Variants in MAD1L1 observed in about 807,000 individuals in gnomAD.
MAD1L1 encodes mitotic spindle assembly checkpoint protein MAD1.
Under a neutral mutation model 96.9 loss-of-function variants are expected in MAD1L1, and 95 were observed. The observed-to-expected ratio is 0.98, with a 90% confidence interval of 0.83 to 1.16. The LOEUF is 1.16. Among genes scored for constraint, MAD1L1 ranks in the 50% most tolerant of loss-of-function variants. The pLI, the probability that MAD1L1 is intolerant of heterozygous loss-of-function variation, is 0.00. For synonymous variants in MAD1L1, 473 were observed against 396.6 expected (o/e 1.19, Z -2.29); for missense variants, 1,007 against 954.4 (o/e 1.06, Z -0.73).
chr7:1,896,737 T>C (rs926505574), intron 18 of MAD1L1, among the ~76,000 whole-genome samples: 8 of 152,184 alleles, frequency 5.3e-5, no homozygotes, highest in African/African-American at 1.7e-4. Flanking sequence ...TCCGCTGCAG[T>C]TAGTCTTCCT....
At chr7:2,059,570 C>T (rs1344297239) in intron 12 of MAD1L1, among the ~76,000 whole-genome samples, 6 of 128,424 alleles carry the variant, frequency 4.7e-5, no homozygotes, top group Non-Finnish European at 9.9e-5. Flanking sequence ...GGAAGCATGG[C>T]CAGGGGAGGG....
rs1787835874 is a variant in MAD1L1 at position 1,908,826 on chromosome 7, A to G, written c.1808-10436T>C. Among the ~76,000 whole-genome samples the G allele has an allele frequency of 1.3e-5, 2 of 152,094 alleles. 1 individual carries two copies. Among genetic ancestry groups the G allele is most frequent in the South Asian group, 4.1e-4 (2 of 4,826 alleles). ...CTCAACATTATGAAACTCCCCCAGC[A>G]TGCATTTCTCTCATGACCCCCACCA... is the stretch of plus-strand genomic sequence containing the variant. On this transcript the variant is annotated intron_variant, in intron 17 of 18. Transcript: ENST00000265854.
At chr7:1,831,971 G>T (rs1782724283) in intron 18 of MAD1L1, among the ~76,000 whole-genome samples, 1 of 152,190 alleles carries the variant, frequency 6.6e-6, no homozygotes, top group Non-Finnish European at 1.5e-5. Context: ...TGCTAACACA[G>T]CATCCATCCT....
intron 11 of MAD1L1, among the ~76,000 whole-genome samples, chr7:2,122,846 T>A (rs1338451037): frequency 6.6e-6 from 1 of 152,218 alleles, no homozygotes; most frequent in Non-Finnish European, 1.5e-5. Flanking sequence ...GCTGCACATG[T>A]GCAGGCCATG....
chr7:1,862,256 A>G (rs1266443597), intron 18 of MAD1L1, among the ~76,000 whole-genome samples: 1 of 152,158 alleles, frequency 6.6e-6, no homozygotes, highest in Non-Finnish European at 1.5e-5. Context: ...TGCCCACCAG[A>G]GGCCAACAGC....
chr7:2,068,002 A>G (rs1784957906), intron 12 of MAD1L1, among the ~76,000 whole-genome samples: 1 of 152,254 alleles, frequency 6.6e-6, no homozygotes, highest in Non-Finnish European at 1.5e-5. Flanking sequence ...GGTGTGGAAG[A>G]GAAGGGAACA....
chr7:2,121,502 C>T (rs976330026), intron 11 of MAD1L1, among the ~76,000 whole-genome samples: 2 of 152,250 alleles, frequency 1.3e-5, no homozygotes, highest in African/African-American at 4.8e-5. Context: ...CAGGCAGGTG[C>T]TCACTGACAC....
At chr7:1,870,396 A>G (rs923382405) in intron 18 of MAD1L1, among the ~76,000 whole-genome samples, 1 of 140,490 alleles carries the variant, frequency 7.1e-6, no homozygotes, top group Non-Finnish European at 1.6e-5. Flanking sequence ...AACCCACCAT[A>G]ACACCTGCCA....
intron 10 of MAD1L1, among the ~76,000 whole-genome samples, chr7:2,195,905 G>C (rs895723378): frequency 3.3e-5 from 5 of 152,372 alleles, no homozygotes; most frequent in African/African-American, 1.2e-4. Context: ...TCAGCTGATG[G>C]GCTTCATGCC....
intron 18 of MAD1L1, among the ~76,000 whole-genome samples, chr7:1,876,418 C>A (rs957852761): frequency 6.6e-6 from 1 of 151,968 alleles, no homozygotes; most frequent in Non-Finnish European, 1.5e-5. Context: ...CCTCACCCAC[C>A]GAGACCAGGT....
chr7:2,007,661 G>A (rs966794373), intron 13 of MAD1L1, among the ~76,000 whole-genome samples: 1 of 152,164 alleles, frequency 6.6e-6, no homozygotes, highest in East Asian at 1.9e-4. Context: ...GCGACTGAGC[G>A]AGACTCTGTC....
chr7:2,030,518 C>T lies in MAD1L1; in HGVS notation c.1219-15876G>A, dbSNP rs535587037. On this transcript the variant is annotated intron_variant, in intron 12 of 18. Transcript: ENST00000265854. ...TACGCTAATTAGAGCCTGTTACACG[C>T]GGGCCCCTGAACAGCCTTGATGTGC... is the stretch of plus-strand genomic sequence containing the variant. Among the ~76,000 whole-genome samples, 12 of 152,348 alleles carry T rather than the reference C, an allele frequency of 7.9e-5. No homozygotes were observed. The South Asian group carries it at 1.2e-3, about 16-fold the overall frequency.
At chr7:1,927,214 G>A (rs1294370990) in intron 17 of MAD1L1, among the ~76,000 whole-genome samples, 1 of 152,184 alleles carries the variant, frequency 6.6e-6, no homozygotes, top group Admixed American at 6.5e-5. Flanking sequence ...ACCACAAAAT[G>A]TGGATGAAAG....
chr7:2,125,730 C>T (rs1452455139), intron 11 of MAD1L1, among the ~76,000 whole-genome samples: 1 of 152,250 alleles, frequency 6.6e-6, no homozygotes, highest in Non-Finnish European at 1.5e-5. Flanking sequence ...AACTGCAGCT[C>T]AGACTGAGCT....
At chr7:2,071,375 A>T (rs982832270) in intron 11 of MAD1L1, among the ~76,000 whole-genome samples, 11 of 152,226 alleles carry the variant, frequency 7.2e-5, no homozygotes, top group African/African-American at 2.4e-4. Context: ...AAGCCCACAG[A>T]CTGGGGCCAA....
chr7:1,823,284 C>T (rs1046493941), intron 18 of MAD1L1, among the ~76,000 whole-genome samples: 1 of 152,070 alleles, frequency 6.6e-6, no homozygotes, highest in African/African-American at 2.4e-5. Flanking sequence ...CACGAACTTA[C>T]ATGTAAAACA....
At chr7:1,950,630 A>G (rs541083782) in intron 16 of MAD1L1, among the ~76,000 whole-genome samples, 3 of 152,154 alleles carry the variant, frequency 2.0e-5, no homozygotes, top group South Asian at 2.1e-4. Flanking sequence ...GAGCCCCTCA[A>G]TGTCTGCCCC....
At chr7:2,227,392 G>C (rs980758472) in intron 3 of MAD1L1, among the ~76,000 whole-genome samples, 3 of 152,220 alleles carry the variant, frequency 2.0e-5, no homozygotes, top group Non-Finnish European at 4.4e-5. Context: ...GTGGTTCCCA[G>C]TGGGGTCCAG....
chr7:1,884,931 C>T (rs148652422), intron 18 of MAD1L1, among the ~76,000 whole-genome samples: 2 of 152,338 alleles, frequency 1.3e-5, no homozygotes, highest in Non-Finnish European at 2.9e-5. Context: ...GTGGTGCGCA[C>T]CCCTCACGTC....
Sources: gnomAD v4.1 joint callset for allele counts (sites outside exome capture counted in the v4.1 genomes callset) on GRCh38, gnomAD v4.1.1 for gene constraint, MANE v1.5 for transcripts, NCBI Gene and HGNC (gene_info 2026-07-23, HGNC 2026-07-21) for gene names.